The following KDM3B variants were observed in gnomAD, a reference collection of about 807,000 sequenced individuals.
KDM3B encodes lysine demethylase 3B, also known as lysine-specific demethylase 3B.
Under a neutral mutation model 170.0 loss-of-function variants are expected in KDM3B, and 10 were observed. The ratio of observed to expected loss-of-function variants is 0.06; its 90% confidence interval spans 0.04 to 0.10. KDM3B has a LOEUF of 0.10. Among genes scored for constraint, KDM3B ranks in the 10% least tolerant of loss-of-function variants. The probability of loss-of-function intolerance (pLI) is 1.00; values close to 1 mark genes in which losing one functional copy is unlikely to be tolerated. For synonymous variants in KDM3B, 831 were observed against 834.8 expected, an observed-to-expected ratio of 1.00 and a Z score of 0.08; for missense variants, 1,394 against 2,195.2, an observed-to-expected ratio of 0.64 and a Z score of 7.29.
At chr5:138,430,120 C>T (rs979951201) in intron 21 of KDM3B, 129 bp from the exon 22 acceptor site, 1 of 1,354,382 alleles carries the variant, frequency 7.4e-7, no homozygotes, top group East Asian at 2.5e-5. Flanking sequence ...TGAATCCACA[C>T]CTAGAGGATG....
At chr5:138,430,055 C>T (rs1015345529) in intron 21 of KDM3B, 90 bp downstream of exon 21, 1 of 1,529,674 alleles carries the variant, frequency 6.5e-7, no homozygotes. Context: ...TGTAGAGTCC[C>T]TTGGCATTAA....
Position 138,375,869 on chromosome 5 carries a change from G to A in KDM3B, c.474+663G>A, listed in dbSNP as rs931288570. ...TTTTTGTATTATTAGTAGAGATGGG[G>A]TTTCACCATGTTGGTCAGGCTAGTC... On this transcript the variant is annotated intron_variant, in intron 3 of 23. Transcript: ENST00000314358. Among the ~76,000 whole-genome samples the A allele has an allele frequency of 1.8e-4, 28 of 151,842 alleles. 1 individual carries two copies. The highest frequency in any genetic ancestry group is 6.3e-4 in the African/African-American group (26 of 41,316).
intron 1 of KDM3B, among the ~76,000 whole-genome samples, chr5:138,369,291 ACTTCT>A (rs1181193050): frequency 2.6e-5 from 4 of 152,074 alleles, no homozygotes; most frequent in Admixed American, 6.6e-5. Context: ...TGATGGTAGC[ACTTCT>A]CTTCTCTGGT....
At chr5:138,400,102 C>A in intron 11 of KDM3B, 90 bp downstream of exon 11, 1 of 1,294,642 alleles carries the variant, frequency 7.7e-7, no homozygotes, top group East Asian at 2.4e-5. Context: ...CAGGAATGGG[C>A]TTATGCCTCT....
Position 138,385,588 on chromosome 5 carries a change from T to A in KDM3B, c.781-434T>A, listed in dbSNP as rs10463968. Among the ~76,000 whole-genome samples, 67 of 152,356 alleles carry A rather than the reference T, an allele frequency of 4.4e-4. 2 individuals carry two copies. The East Asian group carries it at 0.01, about 23-fold the overall frequency. ...AAACGTTGGTTTAGTGACTTCTGGT[T>A]AGAGAAGATGTCCTATTTCAGTACT... On this transcript the variant is annotated intron_variant, in intron 6 of 23. Coordinates refer to ENST00000314358, the MANE Select transcript of KDM3B (RefSeq NM_016604.4).
chr5:138,410,375 G>A (rs1490775237), intron 11 of KDM3B, among the ~76,000 whole-genome samples: 2 of 152,042 alleles, frequency 1.3e-5, no homozygotes, highest in African/African-American at 4.8e-5. Context: ...AAACAATCTA[G>A]AAGTAAACCC....
intron 1 of KDM3B, among the ~76,000 whole-genome samples, chr5:138,360,924 T>A (rs1432438208): frequency 6.6e-6 from 1 of 152,182 alleles, no homozygotes; most frequent in Non-Finnish European, 1.5e-5. Flanking sequence ...GGGACTTGCT[T>A]CACTAACTCC....
chr5:138,386,275 C>T lies in KDM3B; in HGVS notation c.1034C>T (p.Thr345Ile). The change falls in exon 7 of 24, where the codon ACA becomes ATA. Residue 345 changes from threonine (T) to isoleucine (I), a missense_variant. Around this residue, in one of 19 missense-constraint regions of KDM3B, gnomAD observed 205 missense variants for 227.6 expected, o/e 0.90. Coordinates refer to ENST00000314358, the MANE Select transcript of KDM3B (RefSeq NM_016604.4). ...LDQRAKQPPS[T>I]FVPQINRNIR... is the part of the protein sequence containing the mutation. ...CAGAGAGCCAAGCAGCCACCGTCTA[C>T]ATTTGTCCCCCAGATAAACCGCAAC... 3.1e-6 allele frequency: 5 copies of T among 1,614,186 alleles called. No individual in the cohort carries two copies. The highest frequency in any genetic ancestry group is 3.4e-6 in the Non-Finnish European group (4 of 1,180,036).
rs887420756 is a variant in KDM3B, at chr5:138,381,848, A to G, written c.780+258A>G. The G allele has an allele frequency of 3.5e-5, 14 of 404,868 alleles. 1 individual carries two copies. The South Asian group carries it at 9.4e-4, about 27-fold the overall frequency. The allele number at this position is 404,868 out of a possible 1,614,324, so 25.1% of individuals were successfully genotyped here. On this transcript the variant is annotated intron_variant, in intron 6 of 23. Transcript: ENST00000314358. ...AAGTGCAAGGCTGGTTTCTTCCTAT[A>G]TTCTGTCAGGACAGGTATATTTGAA...
intron 1 of KDM3B, among the ~76,000 whole-genome samples, chr5:138,364,775 G>T (rs1761704843): frequency 6.6e-6 from 1 of 152,210 alleles, no homozygotes; most frequent in East Asian, 1.9e-4. Flanking sequence ...AGGCTGAAGT[G>T]ACTTGCTCCA....
intron 14 of KDM3B, 126 bp downstream of exon 14, chr5:138,419,358 C>CA: frequency 8.4e-7 from 1 of 1,185,680 alleles, no homozygotes; most frequent in East Asian, 2.6e-5. Context: ...TGGCTAATCA[C>CA]ATGAGGGACT....
chr5:138,409,289 T>G (rs1026832587), intron 11 of KDM3B, among the ~76,000 whole-genome samples: 13 of 151,948 alleles, frequency 8.6e-5, no homozygotes, highest in African/African-American at 3.1e-4. Flanking sequence ...TGATCATCTA[T>G]GTAGAAATCC....
chr5:138,375,132 G>A lies in KDM3B; in HGVS notation c.400G>A (p.Val134Met), dbSNP rs200210098. The stretch of plus-strand genomic sequence containing the variant: ...TGTAGATAAACTGGGTTTGGGTTCT[G>A]TGGTTCCAGTGGAATATCTTCTGGA... Reference protein sequence around the residue: ...PLVDKLGLGSVVPVEYLLDRE... With the variant: ...PLVDKLGLGSMVPVEYLLDRE... Residue 134 changes from valine to methionine, a missense_variant, in exon 3 of 24, where the codon GTG (valine) becomes ATG (methionine). Physicochemically the swap from Val to Met is conservative, Grantham distance 21. Around this residue, in one of 19 missense-constraint regions of KDM3B, gnomAD observed 166 missense variants for 216.4 expected, o/e 0.77. Transcript: ENST00000314358. 58 of 1,613,696 alleles carry A rather than the reference G, an allele frequency of 3.6e-5. No homozygotes were observed. The highest frequency in any genetic ancestry group is 4.7e-5 in the Non-Finnish European group (55 of 1,179,678).
At chr5:138,370,399 G>A (rs1376155956) in intron 1 of KDM3B, among the ~76,000 whole-genome samples, 1 of 151,974 alleles carries the variant, frequency 6.6e-6, no homozygotes, top group Non-Finnish European at 1.5e-5. Flanking sequence ...CGATAGCTAG[G>A]CTACTGAGCT....
intron 5 of KDM3B, among the ~76,000 whole-genome samples, chr5:138,380,296 T>C (rs1762094024): frequency 1.3e-5 from 2 of 149,320 alleles, no homozygotes. Context: ...CAGAATATTA[T>C]TATATTATAT....
At position 138,420,786 on chromosome 5, in the gene KDM3B, G is replaced by A. The variant is rs1285819538; in HGVS notation, c.3796G>A (p.Val1266Ile). The A allele has an allele frequency of 1.2e-6, 2 of 1,613,958 alleles. No homozygotes were observed. Among genetic ancestry groups the A allele is most frequent in the South Asian group, 1.1e-5 (1 of 91,080 alleles). Residue 1266 changes from valine (V) to isoleucine (I), a missense_variant, in exon 15 of 24, where the codon GTC becomes ATC. By Grantham distance (29) the Val-to-Ile change is conservative. Coordinates refer to ENST00000314358, the MANE Select transcript of KDM3B (RefSeq NM_016604.4). ...GGACTCGTTCAACTCCACTGCAAAG[G>A]TCTCTCCGCTGACTCCAAAGCTTTT... is the stretch of plus-strand genomic sequence containing the variant. ...GLDSFNSTAK[V>I]SPLTPKLFNS...
chr5:138,419,766 C>CACACAT (rs1371751932), intron 14 of KDM3B, among the ~76,000 whole-genome samples: 2 of 132,082 alleles, frequency 1.5e-5, no homozygotes, highest in African/African-American at 5.5e-5. Flanking sequence ...CACACACACA[C>CACACAT]ATATATATGA....
At chr5:138,365,160 A>G (rs768072756) in intron 1 of KDM3B, among the ~76,000 whole-genome samples, 4 of 152,206 alleles carry the variant, frequency 2.6e-5, no homozygotes, top group Non-Finnish European at 5.9e-5. Context: ...TTGGAAAGTT[A>G]TCTTTGATTT....
chr5:138,410,748 A>T (rs909182170), intron 11 of KDM3B, among the ~76,000 whole-genome samples: 7 of 152,238 alleles, frequency 4.6e-5, no homozygotes, highest in African/African-American at 1.7e-4. Flanking sequence ...AGGTAAGGTC[A>T]CGTGGGTCAC....
Sources: gnomAD v4.1 joint callset for allele counts (sites outside exome capture counted in the v4.1 genomes callset) on GRCh38, gnomAD v4.1.1 for gene constraint, gnomAD v4.1.1 regional missense constraint, MANE v1.5 for transcripts, NCBI Gene and HGNC (gene_info 2026-07-23, HGNC 2026-07-21) for gene names.